The following NRCAM variants were observed in gnomAD, a reference collection of about 807,000 sequenced individuals.
NRCAM encodes NgCAM-related cell adhesion molecule.
NRCAM carries 83 observed loss-of-function variants against 156.5 expected under a neutral mutation model. The observed-to-expected ratio is 0.53, with a 90% CI of 0.44 to 0.64. The LOEUF (loss-of-function observed/expected upper bound fraction) is 0.64. NRCAM is among the 30% of genes least tolerant of loss of function. The probability of loss-of-function intolerance (pLI) is 0.00; values close to 1 mark genes in which losing one functional copy is unlikely to be tolerated. For synonymous variants in NRCAM, 538 were observed against 563.9 expected, an observed-to-expected ratio of 0.95 and a Z score of 0.65; for missense variants, 1,417 against 1,597.3, an observed-to-expected ratio of 0.89 and a Z score of 1.92.
intron 13 of NRCAM, among the ~76,000 whole-genome samples, chr7:108,199,388 C>A (rs1168493071): frequency 2.0e-5 from 3 of 152,238 alleles, no homozygotes; most frequent in African/African-American, 4.8e-5. Context: ...GCTGTAACAA[C>A]TTACCACAAA....
At chr7:108,155,228 T>C (rs559420609) in intron 32 of NRCAM, among the ~76,000 whole-genome samples, 71 of 151,654 alleles carry the variant, frequency 4.7e-4, no homozygotes, top group Non-Finnish European at 6.9e-4. Flanking sequence ...TAAAAATTCA[T>C]TCACATTTTA....
chr7:108,229,317 C>T (rs6956711), intron 8 of NRCAM, among the ~76,000 whole-genome samples: 11,197 of 152,192 alleles, frequency 0.074, 594 homozygotes, highest in African/African-American at 0.14. Context: ...GGCTGAACTA[C>T]AGTGATGTGA....
chr7:108,434,890 A>G (rs930084363), intron 1 of NRCAM, among the ~76,000 whole-genome samples: 5 of 152,242 alleles, frequency 3.3e-5, no homozygotes, highest in African/African-American at 1.2e-4. Flanking sequence ...CTAAACAAAC[A>G]ATAGCAACAG....
At chr7:108,455,420 G>T (rs1431969852) in intron 1 of NRCAM, among the ~76,000 whole-genome samples, 32 of 152,180 alleles carry the variant, frequency 2.1e-4, no homozygotes, top group Admixed American at 2.0e-3. Context: ...AGATCCCACC[G>T]CTAAGAGCCT....
chr7:108,151,193 AT>A (rs2041377586), intron 32 of NRCAM, among the ~76,000 whole-genome samples: 1 of 152,156 alleles, frequency 6.6e-6, no homozygotes, highest in African/African-American at 2.4e-5. Context: ...ATATTGACCT[AT>A]TTTTTAATAG....
intron 2 of NRCAM, among the ~76,000 whole-genome samples, chr7:108,317,330 G>A (rs76036879): frequency 0.012 from 1,887 of 152,196 alleles, 41 homozygotes; most frequent in African/African-American, 0.043. Flanking sequence ...TATAATCTAG[G>A]AAGAAGATTT....
intron 3 of NRCAM, 84 bp from the exon 4 acceptor site, chr7:108,240,254 T>C (rs2095435571): frequency 4.1e-6 from 2 of 485,738 alleles, no homozygotes; most frequent in East Asian, 3.6e-5. Context: ...CACAGAGAAC[T>C]AGCCGTGTAT....
intron 3 of NRCAM, among the ~76,000 whole-genome samples, chr7:108,295,210 G>C (rs1439179142): frequency 1.3e-5 from 2 of 152,134 alleles, no homozygotes; most frequent in East Asian, 3.8e-4. Flanking sequence ...TTTACAGAGG[G>C]CTCGCTCTGT....
intron 5 of NRCAM, 172 bp from the exon 6 acceptor site, chr7:108,234,860 C>T: frequency 1.3e-6 from 1 of 753,348 alleles, no homozygotes; most frequent in Non-Finnish European, 2.4e-6. Flanking sequence ...TAAAGGTCTG[C>T]TAAAACTGTG....
chr7:108,334,085 C>A (rs1180787184), intron 2 of NRCAM, among the ~76,000 whole-genome samples: 2 of 152,190 alleles, frequency 1.3e-5, no homozygotes, highest in African/African-American at 4.8e-5. Flanking sequence ...CAATATTCCA[C>A]TGAAATGCTG....
chr7:108,411,721 C>CG (rs929723936), intron 1 of NRCAM, among the ~76,000 whole-genome samples: 64 of 151,996 alleles, frequency 4.2e-4, no homozygotes, highest in African/African-American at 1.4e-3. Flanking sequence ...TTAGTAGAGA[C>CG]GGGGTTTCAC....
intron 2 of NRCAM, among the ~76,000 whole-genome samples, chr7:108,393,602 T>G (rs144088357): frequency 6.6e-6 from 1 of 152,090 alleles, no homozygotes; most frequent in Non-Finnish European, 1.5e-5. Context: ...TGCACCCCTG[T>G]CCGACAAGCC....
chr7:108,411,556 A>C (rs1795356264), intron 1 of NRCAM, among the ~76,000 whole-genome samples: 3 of 152,182 alleles, frequency 2.0e-5, no homozygotes, highest in Non-Finnish European at 4.4e-5. Flanking sequence ...ATAAAATAAA[A>C]ATAAATACAA....
At chr7:108,188,440 G>A (rs777809863) in intron 20 of NRCAM, among the ~76,000 whole-genome samples, 23 of 151,850 alleles carry the variant, frequency 1.5e-4, no homozygotes, top group Non-Finnish European at 2.8e-4. Context: ...ATGAAATTAT[G>A]CTTAATAATG....
rs545155890 is a variant in NRCAM, at chr7:108,173,131, G to A, written c.3187+2191C>T. Reference sequence around the variant, plus strand: ...CTCCTGAGTAGCTGGGATTACAGGCGCCCAACAACACGCCCAGCTAATTTT... The same window carrying A: ...CTCCTGAGTAGCTGGGATTACAGGCACCCAACAACACGCCCAGCTAATTTT... On this transcript the variant is annotated intron_variant, in intron 28 of 32. Coordinates refer to ENST00000379028, the MANE Select transcript of NRCAM (RefSeq NM_001037132.4). Among the ~76,000 whole-genome samples the A allele has an allele frequency of 6.7e-4, 101 of 151,840 alleles. 1 individual carries two copies. The highest frequency in any genetic ancestry group is 6.3e-4 in the South Asian group (3 of 4,800).
intron 4 of NRCAM, 29 bp downstream of exon 4, chr7:108,239,930 C>T (rs755543940): frequency 1.4e-6 from 2 of 1,433,484 alleles, no homozygotes; most frequent in Non-Finnish European, 2.0e-6. Context: ...GACTCCTGGG[C>T]CTAACAGCTT....
At chr7:108,212,605 T>C (rs2085242795) in intron 11 of NRCAM, among the ~76,000 whole-genome samples, 1 of 152,118 alleles carries the variant, frequency 6.6e-6, no homozygotes, top group African/African-American at 2.4e-5. Context: ...CAAAATGCTC[T>C]GAAAAATCTC....
chr7:108,247,371 G>A (rs999937281), intron 3 of NRCAM, among the ~76,000 whole-genome samples: 3 of 152,134 alleles, frequency 2.0e-5, no homozygotes, highest in East Asian at 1.9e-4. Context: ...GGTCATGGCC[G>A]AACCTAAATT....
In NRCAM at chr7:108,184,305, T is replaced by G. The variant is rs563014894; in HGVS notation, c.2240A>C (p.Asp747Ala). ...TCCTTCCACAGCTGTGGGGTTTTTA[T>G]CTGGTTCTGGAAGTTAAGCAGCCAC... The part of the protein sequence containing the change: ...EQYLTKASEP[D>A]KNPTAVEGLG... Residue 747 changes from aspartate (D) to alanine (A), a missense_variant, in exon 22 of 33, where the codon GAT becomes GCT. Coordinates refer to ENST00000379028, the MANE Select transcript of NRCAM (RefSeq NM_001037132.4). 38 of 1,614,174 alleles carry G rather than the reference T, an allele frequency of 2.4e-5. No individual in the cohort carries two copies. The highest frequency in any genetic ancestry group is 5.5e-5 in the South Asian group (5 of 91,090).
Sources: gnomAD v4.1 joint callset for allele counts (sites outside exome capture counted in the v4.1 genomes callset) on GRCh38, gnomAD v4.1.1 for gene constraint, MANE v1.5 for transcripts, NCBI Gene and HGNC (gene_info 2026-07-23, HGNC 2026-07-21) for gene names.